SCARF1: variants seen among roughly 807,000 people sequenced by gnomAD.
SCARF1 encodes acetyl LDL receptor.
A neutral mutation model predicts 76.3 loss-of-function variants in SCARF1; 49 were observed. The ratio of observed to expected loss-of-function variants is 0.64; its 90% CI spans 0.51 to 0.81. The LOEUF is 0.81. Among genes scored for constraint, SCARF1 ranks in the 40% least tolerant of loss-of-function variants. The pLI, the probability that SCARF1 is intolerant of heterozygous loss-of-function variation, is 0.00. For missense variants in SCARF1, 1,098 were observed against 1,143.9 expected, an observed-to-expected ratio of 0.96 and a Z score of 0.58; for synonymous variants, 495 against 474.6, an observed-to-expected ratio of 1.04 and a Z score of -0.56.
At position 1,635,599 on chromosome 17, in the gene SCARF1, TG is replaced by T; in HGVS notation, c.1651del (p.Gln551ArgfsTer32). ...PPQEGMVPVA[Q>X]AGSSEASLAA... ...CAGGCTGGCCTCTGACGACCCTGCC[TG>T]GGCCACAGGGACCATCCCTGGCAGA... On this transcript the variant is annotated frameshift_variant, in exon 11 of 11. Coordinates refer to ENST00000263071, the MANE Select transcript of SCARF1 (RefSeq NM_003693.4). LOFTEE classifies it low-confidence loss of function (END_TRUNC). 6.2e-7 allele frequency: 1 copy of T among 1,602,668 alleles called. No individual in the cohort carries two copies.
intron 8 of SCARF1, among the ~76,000 whole-genome samples, chr17:1,637,541 T>C (rs1909689358): frequency 6.6e-6 from 1 of 152,034 alleles, no homozygotes; most frequent in Admixed American, 6.6e-5. Context: ...GGTACGATCT[T>C]GGCTCACCGC....
At chr17:1,639,023 G>C in intron 7 of SCARF1, 97 bp from the exon 8 acceptor site, 1 of 1,318,696 alleles carries the variant, frequency 7.6e-7, no homozygotes, top group Non-Finnish European at 1.0e-6. Flanking sequence ...CTTCTTCCTG[G>C]GGGTCACTCC....
chr17:1,638,831 C>A lies in SCARF1; in HGVS notation c.1339G>T (p.Ala447Ser). Reference sequence around the variant, plus strand: ...CTGTCCTTGAGGTCTGATCGGGGGGCCCAGCAGCAGCAGGCACAGCAGGCA... The same window carrying A: ...CTGTCCTTGAGGTCTGATCGGGGGGACCAGCAGCAGCAGGCACAGCAGGCA... ...GLACCACCCW[A>S]PRSDLKDRPA... is the part of the protein sequence containing the mutation. Residue 447 changes from alanine to serine, a missense_variant, in exon 8 of 11, where the codon GCC (alanine) becomes TCC (serine). Physicochemically the swap from Ala to Ser is moderately conservative, Grantham distance 99. Coordinates refer to ENST00000263071, the MANE Select transcript of SCARF1 (RefSeq NM_003693.4). The A allele has an allele frequency of 1.2e-6, 2 of 1,609,962 alleles. No individual in the cohort carries two copies. The highest frequency in any genetic ancestry group is 2.2e-5 in the South Asian group (2 of 90,434).
Position 1,643,458 on chromosome 17 carries a change from C to T in SCARF1, c.775G>A (p.Val259Met), listed in dbSNP as rs1217855607. ...CCCGCTCACCTGTGTGCGCACTGCA[C>T]CCCGTGGCTGCCTGCCGGGCAGGGC... ...ELPCPAGSHG[V>M]QCAHSCGRCK... is the part of the protein sequence containing the mutation. Residue 259 changes from valine (V) to methionine (M), a missense_variant, in exon 4 of 11, where the codon GTG becomes ATG. Coordinates refer to ENST00000263071, the MANE Select transcript of SCARF1 (RefSeq NM_003693.4). 1.5e-6 allele frequency: 2 copies of T among 1,292,410 alleles called. No homozygotes were observed. Among genetic ancestry groups the T allele is most frequent in the South Asian group, 2.3e-5 (1 of 42,598 alleles). 80.1% of individuals were successfully genotyped at this position (1,292,410 alleles called of 1,614,324 possible).
At position 1,645,458 on chromosome 17, in the gene SCARF1, C is replaced by T. The variant is rs1598525400; in HGVS notation, c.101+139G>A. On this transcript the variant is annotated intron_variant, in intron 1 of 10. Transcript: ENST00000263071. This position sits in a 1 kb window ranked among gnomAD's most constrained non-coding sequence, Gnocchi z 6.3. Reference sequence around the variant, plus strand: ...CCACTACCTGCCAGACCGCCATCAGCAGTCCCTTCCTTTCAGCCTAAGCCC... The same window carrying T: ...CCACTACCTGCCAGACCGCCATCAGTAGTCCCTTCCTTTCAGCCTAAGCCC... 6.6e-7 allele frequency: 1 copy of T among 1,519,472 alleles called. No individual in the cohort carries two copies. The allele number at this position is 1,519,472 out of a possible 1,614,324, so 94.1% of individuals were successfully genotyped here.
In SCARF1 at chr17:1,640,377, T is replaced by G. The variant is rs1051676319; in HGVS notation, c.1010+71A>C. 5.8e-6 allele frequency: 8 copies of G among 1,385,818 alleles called. No homozygotes were observed. The highest frequency in any genetic ancestry group is 7.9e-6 in the Non-Finnish European group (8 of 1,010,338). The allele number at this position is 1,385,818 out of a possible 1,614,324, so 85.8% of individuals were successfully genotyped here. On this transcript the variant is annotated intron_variant, in intron 5 of 10. Transcript: ENST00000263071. The surrounding 1 kb of genome is among the most constrained non-coding windows in gnomAD (Gnocchi z 4.7). ...CTGTGTGTCGGGGAGGGTGGTGCTC[T>G]CGGAGAGAGCCGCTGAGCTGAGGGT...
In SCARF1 at chr17:1,640,382, G is replaced by C; in HGVS notation, c.1010+66C>G. Reference sequence around the variant, plus strand: ...TGTCGGGGAGGGTGGTGCTCTCGGAGAGAGCCGCTGAGCTGAGGGTCCTGG... The same window carrying C: ...TGTCGGGGAGGGTGGTGCTCTCGGACAGAGCCGCTGAGCTGAGGGTCCTGG... On this transcript the variant is annotated intron_variant, in intron 5 of 10. Transcript: ENST00000263071. The surrounding 1 kb of genome is among the most constrained non-coding windows in gnomAD (Gnocchi z 4.7). 7.1e-7 allele frequency: 1 copy of C among 1,406,742 alleles called. No individual in the cohort carries two copies. Among genetic ancestry groups the C allele is most frequent in the African/African-American group, 1.4e-5 (1 of 69,756 alleles). The allele number at this position is 1,406,742 out of a possible 1,614,324, so 87.1% of individuals were successfully genotyped here.
At position 1,636,945 on chromosome 17, in the gene SCARF1, C is replaced by T. The variant is rs1476394172; in HGVS notation, c.1482G>A (p.Val494=). 1.9e-6 allele frequency: 3 copies of T among 1,614,142 alleles called. No individual in the cohort carries two copies. The change falls in exon 9 of 11, where the codon GTG becomes GTA. Residue 494 remains valine (V), a synonymous_variant. Transcript: ENST00000263071. ...RSLSSHKLPW[V]TVSHHDPEVP... ...CGGCCCCCAGCGCCCACTGACCTGTCACCCAGGGTAGCTTGTGGGAGCTGA... is the reference window on the plus strand; with the variant it reads ...CGGCCCCCAGCGCCCACTGACCTGTTACCCAGGGTAGCTTGTGGGAGCTGA...
chr17:1,640,029 G>A lies in SCARF1; in HGVS notation c.1022C>T (p.Pro341Leu), dbSNP rs1280340427. ...TTCCCCAAAGGTACCAGTGGGGCAG[G>A]GGTCTTCACACCTGGGGTGAGGCAA... Reference protein sequence around the residue: ...PGWLGPRCEDPCPTGTFGEDC... With the variant: ...PGWLGPRCEDLCPTGTFGEDC... The change falls in exon 6 of 11, where the codon CCC becomes CTC. Residue 341 changes from proline to leucine, a missense_variant. By Grantham distance (98) the Pro-to-Leu change is moderately conservative (BLOSUM62 -3). Coordinates refer to ENST00000263071, the MANE Select transcript of SCARF1 (RefSeq NM_003693.4). The surrounding 1 kb of genome is among the most constrained non-coding windows in gnomAD (Gnocchi z 4.7). 2 of 1,613,528 alleles carry A rather than the reference G, an allele frequency of 1.2e-6. No homozygotes were observed. The highest frequency in any genetic ancestry group is 2.2e-5 in the East Asian group (1 of 44,890).
chr17:1,645,638 G>T lies in SCARF1; in HGVS notation c.60C>A (p.Ser20=), dbSNP rs751484235. The T allele has an allele frequency of 6.2e-7, 1 of 1,608,602 alleles. No homozygotes were observed. The highest frequency in any genetic ancestry group is 2.2e-5 in the East Asian group (1 of 44,704). The change falls in exon 1 of 11, where the codon TCC becomes TCA. Residue 20 remains serine (S), a synonymous_variant. Transcript: ENST00000263071. This position sits in a 1 kb window ranked among gnomAD's most constrained non-coding sequence, Gnocchi z 6.3. ...LLLWTRGTQG[S]ELDPKGQHVC... Reference sequence around the variant, plus strand: ...CGTGCTGCCCTTTGGGGTCCAGCTCGGACCCCTGAGTCCCCCGAGTCCAGA... The same window carrying T: ...CGTGCTGCCCTTTGGGGTCCAGCTCTGACCCCTGAGTCCCCCGAGTCCAGA...
At chr17:1,635,687 A>C in intron 10 of SCARF1, 70 bp from the exon 11 acceptor site, 4 of 1,494,082 alleles carry the variant, frequency 2.7e-6, no homozygotes, top group Non-Finnish European at 3.6e-6. Flanking sequence ...CCCACAGCTC[A>C]GCATCTTCCA....
chr17:1,642,745 C>G (rs1009501183), intron 4 of SCARF1, among the ~76,000 whole-genome samples: 2 of 152,204 alleles, frequency 1.3e-5, no homozygotes, highest in Non-Finnish European at 2.9e-5. Context: ...GAGTCTTGCT[C>G]TCTGGCCCAG....
chr17:1,638,729 C>CCCCTCACCT (rs1909790125), intron 8 of SCARF1, 77 bp downstream of exon 8: 1 of 1,451,856 alleles, frequency 6.9e-7, no homozygotes, highest in African/African-American at 1.4e-5. Flanking sequence ...CCTCCCCACC[C>CCCCTCACCT]CACAAGGAAA....
rs1360103460 is a variant in SCARF1, at chr17:1,643,567, C to T, written c.666G>A (p.Gln222=). The change falls in exon 4 of 11, where the codon CAG becomes CAA. Residue 222 remains glutamine (Q), a synonymous_variant. Transcript: ENST00000263071. The stretch of plus-strand genomic sequence containing the variant: ...TGCAGCGGCCCCGCACACACTCGCA[C>T]TGCTGCTGGCATTCGGGACCCCACC... ...PGWWGPECQQ[Q]CECVRGRCSA... is the part of the protein sequence containing the mutation. The T allele has an allele frequency of 2.4e-5, 35 of 1,474,008 alleles. No individual in the cohort carries two copies. Among genetic ancestry groups the T allele is most frequent in the Non-Finnish European group, 3.1e-5 (35 of 1,120,272 alleles). 91.3% of individuals were successfully genotyped at this position (1,474,008 alleles called of 1,614,324 possible).
rs374960553 is a variant in SCARF1 at position 1,645,550 on chromosome 17, C to T, written c.101+47G>A. 3.5e-5 allele frequency: 56 copies of T among 1,577,958 alleles called. No homozygotes were observed. The highest frequency in any genetic ancestry group is 4.6e-5 in the Non-Finnish European group (54 of 1,167,748). ...TTCAGCCACCCGCATCAGACTCCCA[C>T]GAGACCCACCTGCTGGCCACACGCA... On this transcript the variant is annotated intron_variant, in intron 1 of 10. Transcript: ENST00000263071. This position sits in a 1 kb window ranked among gnomAD's most constrained non-coding sequence, Gnocchi z 6.3.
chr17:1,639,332 C>G (rs1319652054), intron 7 of SCARF1, among the ~76,000 whole-genome samples: 2 of 152,224 alleles, frequency 1.3e-5, no homozygotes, highest in Admixed American at 6.5e-5. Flanking sequence ...ATGGTGAAAC[C>G]CTGTCTCTAC....
At position 1,644,173 on chromosome 17, in the gene SCARF1, A is replaced by G. The variant is rs1470838114; in HGVS notation, c.266-206T>C. 19 of 406,354 alleles carry G rather than the reference A, an allele frequency of 4.7e-5. No individual in the cohort carries two copies. Among genetic ancestry groups the G allele is most frequent in the Non-Finnish European group, 6.8e-5 (16 of 234,292 alleles). The allele number at this position is 406,354 out of a possible 1,614,324, so 25.2% of individuals were successfully genotyped here. On this transcript the variant is annotated intron_variant, in intron 3 of 10. Coordinates refer to ENST00000263071, the MANE Select transcript of SCARF1 (RefSeq NM_003693.4). This position sits in a 1 kb window ranked among gnomAD's most constrained non-coding sequence, Gnocchi z 4.8. ...CAGAAAACCCTTAGCCATTAGTGGG[A>G]GGCTCAGCCTGCCACTTCACATTCC...
intron 10 of SCARF1, 100 bp from the exon 11 acceptor site, chr17:1,635,717 C>A: frequency 1.4e-6 from 2 of 1,405,296 alleles, no homozygotes; most frequent in Non-Finnish European, 1.9e-6. Flanking sequence ...AAAAATAGGG[C>A]AAGGAAGAGG....
chr17:1,642,948 C>G (rs1055994377), intron 4 of SCARF1, among the ~76,000 whole-genome samples: 1 of 152,146 alleles, frequency 6.6e-6, no homozygotes. Context: ...GTGATGCACC[C>G]GCCTCAGCCT....
Sources: gnomAD v4.1 joint callset for allele counts (sites outside exome capture counted in the v4.1 genomes callset) on GRCh38, gnomAD v4.1.1 for gene constraint, Gnocchi (gnomAD v3.1) non-coding constraint, MANE v1.5 for transcripts, NCBI Gene and HGNC (gene_info 2026-07-23, HGNC 2026-07-21) for gene names.